Variants in GNPTAB observed in about 807,000 individuals in gnomAD.
GNPTAB encodes N-acetylglucosamine-1-phosphate transferase subunits alpha and beta.
In GNPTAB, 92 loss-of-function variants were observed where a neutral mutation model predicts 136.6. The ratio of observed to expected loss-of-function variants is 0.67; its 90% CI spans 0.57 to 0.80. The LOEUF is 0.80. GNPTAB is among the 30% of genes least tolerant of loss of function. The pLI is 0.00. For synonymous variants in GNPTAB, 512 were observed against 535.1 expected (o/e 0.96, Z 0.60); for missense variants, 1,343 against 1,501.8 (o/e 0.89, Z 1.75).
At chr12:101,796,813 A>G (rs1446487576) in intron 1 of GNPTAB, 51 bp from the exon 2 acceptor site, 2 of 1,162,266 alleles carry the variant, frequency 1.7e-6, no homozygotes, top group Non-Finnish European at 2.5e-6. Context: ...CTAAGAGTAT[A>G]TAACTTTCAT....
In GNPTAB at chr12:101,796,879, T is replaced by C. The variant is rs78790818; in HGVS notation, c.118-117A>G. On this transcript the variant is annotated intron_variant, in intron 1 of 20. Coordinates refer to ENST00000299314, the MANE Select transcript of GNPTAB (RefSeq NM_024312.5). Reference sequence around the variant, plus strand: ...AAATGGGTAAAGAAATCAAAATTCATGTATTCACTTACTGCCTACCACATA... The same window carrying C: ...AAATGGGTAAAGAAATCAAAATTCACGTATTCACTTACTGCCTACCACATA... The C allele has an allele frequency of 0.011, 8,185 of 715,964 alleles. 94 individuals carry two copies. The highest frequency in any genetic ancestry group is 0.014 in the Middle Eastern group (42 of 3,030). The allele number at this position is 715,964 out of a possible 1,614,324, so 44.4% of individuals were successfully genotyped here.
At chr12:101,774,964 AG>A (rs1368808714) in intron 7 of GNPTAB, among the ~76,000 whole-genome samples, 1 of 152,252 alleles carries the variant, frequency 6.6e-6, no homozygotes, top group Non-Finnish European at 1.5e-5. Context: ...AATGCCAAAA[AG>A]AAAGGCTGCG....
intron 4 of GNPTAB, 76 bp from the exon 5 acceptor site, chr12:101,786,293 AAAT>A: frequency 8.3e-7 from 1 of 1,203,300 alleles, no homozygotes; most frequent in Non-Finnish European, 1.2e-6. Flanking sequence ...TCATACTACT[AAAT>A]TTTTCAGATT....
chr12:101,766,464 C>T (rs368904642), intron 11 of GNPTAB, among the ~76,000 whole-genome samples, 170 bp from the exon 12 acceptor site: 1 of 152,060 alleles, frequency 6.6e-6, no homozygotes, highest in Non-Finnish European at 1.5e-5. Flanking sequence ...ATGGTAAAAC[C>T]CCATCTCTGC....
chr12:101,758,031 A>G (rs1952928222), intron 16 of GNPTAB, among the ~76,000 whole-genome samples: 1 of 146,994 alleles, frequency 6.8e-6, no homozygotes, highest in African/African-American at 2.6e-5. Flanking sequence ...ATAGTCTCAT[A>G]GTCTCATTTT....
At chr12:101,805,077 G>GA (rs141869508) in intron 1 of GNPTAB, among the ~76,000 whole-genome samples, 27,284 of 150,948 alleles carry the variant, frequency 0.18, 2,513 homozygotes, top group African/African-American at 0.23. Context: ...TATATCATGT[G>GA]AAAAAAAAAT....
chr12:101,811,196 T>C (rs546686222), intron 1 of GNPTAB, among the ~76,000 whole-genome samples: 1 of 152,152 alleles, frequency 6.6e-6, no homozygotes, highest in Non-Finnish European at 1.5e-5. Context: ...ACTGGAAATC[T>C]TTCTCCGTAA....
intron 7 of GNPTAB, among the ~76,000 whole-genome samples, chr12:101,775,316 T>C (rs940029779): frequency 1.3e-5 from 2 of 152,120 alleles, no homozygotes; most frequent in Non-Finnish European, 2.9e-5. Flanking sequence ...AAAACCAAAT[T>C]AGTGCCTTTA....
intron 1 of GNPTAB, among the ~76,000 whole-genome samples, chr12:101,811,376 ATTTTTTCTTTTTTT>A (rs1308526012): frequency 7.0e-4 from 87 of 124,222 alleles, no homozygotes; most frequent in African/African-American, 1.1e-3. Flanking sequence ...ATTTCACATA[ATTTTTTCTTTTTTT>A]TTTTTTCTTT....
At chr12:101,800,149 T>C (rs1338121348) in intron 1 of GNPTAB, among the ~76,000 whole-genome samples, 2 of 151,734 alleles carry the variant, frequency 1.3e-5, no homozygotes, top group Admixed American at 6.6e-5. Flanking sequence ...CATGCAATCA[T>C]AGTCCCTCTC....
At chr12:101,785,296 G>C (rs1216549971) in intron 5 of GNPTAB, among the ~76,000 whole-genome samples, 2 of 152,188 alleles carry the variant, frequency 1.3e-5, no homozygotes, top group African/African-American at 4.8e-5. Flanking sequence ...TTGAATTCCT[G>C]GGCTCAAGTG....
intron 1 of GNPTAB, among the ~76,000 whole-genome samples, chr12:101,814,376 T>A (rs150029854): frequency 3.5e-4 from 54 of 152,246 alleles, no homozygotes; most frequent in Middle Eastern, 3.4e-3. Flanking sequence ...ATCTACTGTA[T>A]TAAAATTAAA....
chr12:101,801,539 CAAAA>C (rs36066248), intron 1 of GNPTAB, among the ~76,000 whole-genome samples: 672 of 42,550 alleles, frequency 0.016, 2 homozygotes, highest in Middle Eastern at 0.062. Flanking sequence ...GACCCTGTCT[CAAAA>C]AAAAAAAAAA....
In GNPTAB at chr12:101,830,687, C is replaced by T; in HGVS notation, c.-12G>A. 6.8e-7 allele frequency: 1 copy of T among 1,476,954 alleles called. No individual in the cohort carries two copies. The highest frequency in any genetic ancestry group is 2.3e-5 in the East Asian group (1 of 43,346). The allele number at this position is 1,476,954 out of a possible 1,614,324, so 91.5% of individuals were successfully genotyped here. ...AGCTTGAACAGCATCACCCCTTCAC[C>T]GCCACGCCACGCCCCGAGGAGCCTG... On this transcript the variant is annotated 5_prime_UTR_variant, in exon 1 of 21. Transcript: ENST00000299314.
intron 1 of GNPTAB, among the ~76,000 whole-genome samples, chr12:101,805,201 G>A (rs1282433636): frequency 6.6e-6 from 1 of 152,222 alleles, no homozygotes; most frequent in African/African-American, 2.4e-5. Flanking sequence ...TTGCAAAATT[G>A]TCATAAAAAA....
intron 1 of GNPTAB, among the ~76,000 whole-genome samples, chr12:101,814,895 G>A (rs1421115731): frequency 6.6e-6 from 1 of 152,010 alleles, no homozygotes; most frequent in Non-Finnish European, 1.5e-5. Context: ...ATGTCCTGTA[G>A]GCCTCGAGAA....
intron 1 of GNPTAB, among the ~76,000 whole-genome samples, chr12:101,827,916 G>A (rs957960145): frequency 3.9e-5 from 6 of 152,122 alleles, no homozygotes; most frequent in Non-Finnish European, 8.8e-5. Flanking sequence ...GCAGTGAGCT[G>A]AGATCACCCC....
chr12:101,772,588 C>T (rs912491047), intron 7 of GNPTAB, among the ~76,000 whole-genome samples: 1 of 152,198 alleles, frequency 6.6e-6, no homozygotes, highest in Non-Finnish European at 1.5e-5. Flanking sequence ...GAGTGCCTGG[C>T]ACATATTTAG....
At chr12:101,782,378 A>C in intron 5 of GNPTAB, among the ~76,000 whole-genome samples, 1 of 152,162 alleles carries the variant, frequency 6.6e-6, no homozygotes. Flanking sequence ...GGCCACACTG[A>C]ATTTCCATCA....
Sources: allele counts gnomAD v4.1 joint callset (sites outside exome capture counted in the v4.1 genomes callset), GRCh38; gene constraint gnomAD v4.1.1; transcripts MANE v1.5; gene names NCBI Gene and HGNC (gene_info 2026-07-23, HGNC 2026-07-21).